UGT1A10: variants seen among roughly 807,000 people sequenced by gnomAD.
The protein encoded by UGT1A10 is UDP-glucuronosyltransferase 1A10.
UGT1A10 carries 49 observed loss-of-function variants against 45.8 expected under a neutral mutation model. That is an observed-to-expected ratio of 1.07 (90% CI 0.85 to 1.36). UGT1A10 has a LOEUF of 1.36. Ranked by LOEUF, UGT1A10 falls within the 40% of genes most tolerant of loss-of-function variation. The probability of loss-of-function intolerance (pLI) is 0.00; values close to 1 mark genes in which losing one functional copy is unlikely to be tolerated. For missense variants in UGT1A10, 745 were observed against 668.6 expected, an observed-to-expected ratio of 1.11 and a Z score of -1.26; for synonymous variants, 284 against 249.7, an observed-to-expected ratio of 1.14 and a Z score of -1.29.
chr2:233,726,185 T>C (rs2077513858), intron 1 of UGT1A10, among the ~76,000 whole-genome samples: 1 of 152,162 alleles, frequency 6.6e-6, no homozygotes, highest in South Asian at 2.1e-4. Flanking sequence ...AAAATTTCTT[T>C]GGCATATGGA....
At chr2:233,702,908 A>G (rs1242478839) in intron 1 of UGT1A10, among the ~76,000 whole-genome samples, 5 of 152,174 alleles carry the variant, frequency 3.3e-5, no homozygotes, top group Non-Finnish European at 7.4e-5. Flanking sequence ...AGATATTGGA[A>G]GTCTTATTTT....
intron 1 of UGT1A10, chr2:233,718,075 G>A (rs2076626489): frequency 1.7e-5 from 6 of 344,578 alleles, no homozygotes; most frequent in South Asian, 1.2e-4. Context: ...CCTTGCTAGG[G>A]TTGTCTTGCC....
intron 1 of UGT1A10, among the ~76,000 whole-genome samples, chr2:233,657,212 T>A (rs997232183): frequency 6.6e-6 from 1 of 152,212 alleles, no homozygotes; most frequent in Non-Finnish European, 1.5e-5. Context: ...GCTCATGGGC[T>A]TTATTTTATG....
chr2:233,724,339 G>A (rs2077227774), intron 1 of UGT1A10, among the ~76,000 whole-genome samples: 2 of 142,766 alleles, frequency 1.4e-5, no homozygotes, highest in African/African-American at 5.3e-5. Flanking sequence ...GCGGGGGGCT[G>A]ACCCCCCCCA....
At chr2:233,699,864 G>C (rs2075528124) in intron 1 of UGT1A10, among the ~76,000 whole-genome samples, 1 of 152,162 alleles carries the variant, frequency 6.6e-6, no homozygotes, top group African/African-American at 2.4e-5. Flanking sequence ...TATGTCTGAA[G>C]ACATTTTTGG....
chr2:233,715,254 A>G (rs547164013), intron 1 of UGT1A10, among the ~76,000 whole-genome samples: 219 of 152,274 alleles, frequency 1.4e-3, no homozygotes, highest in African/African-American at 5.0e-3. Context: ...CTTTTAAAAA[A>G]TCCCCTTACA....
chr2:233,744,538 A>C (rs4663967), intron 1 of UGT1A10, among the ~76,000 whole-genome samples: 82,778 of 151,254 alleles, frequency 0.55, 24,850 homozygotes, highest in African/African-American at 0.8. Context: ...TTTTATGTAA[A>C]TTTTATTAAG....
chr2:233,648,877 C>T lies in UGT1A10; in HGVS notation c.855+11500C>T, dbSNP rs1237408248. 2.3e-5 allele frequency: 29 copies of T among 1,274,844 alleles called. No homozygotes were observed. In the South Asian group the frequency reaches 3.2e-4, roughly 14 times the overall value. 79.0% of individuals were successfully genotyped at this position (1,274,844 alleles called of 1,614,324 possible). A position where few individuals can be genotyped will look rare whatever the true frequency, so the allele number is the denominator to read the frequency against. On this transcript the variant is annotated intron_variant, in intron 1 of 4. Transcript: ENST00000344644. The stretch of plus-strand genomic sequence containing the variant: ...CTTAAACATAGCCTCTGAAATTCTC[C>T]AAACACCTGTCATGGCATATGATCT...
chr2:233,772,238 T>C (rs765306920), intron 4 of UGT1A10, 24 bp from the exon 5 acceptor site: 1 of 1,613,980 alleles, frequency 6.2e-7, no homozygotes, highest in African/African-American at 1.3e-5. Context: ...GTTCCAGGCA[T>C]AACGAAACTG....
At chr2:233,713,253 G>T in intron 1 of UGT1A10, 1 of 1,614,226 alleles carries the variant, frequency 6.2e-7, no homozygotes, top group Non-Finnish European at 8.5e-7. Flanking sequence ...GACCCAGGAC[G>T]AATTTGATCG....
intron 1 of UGT1A10, among the ~76,000 whole-genome samples, chr2:233,670,192 G>C (rs932063523): frequency 2.0e-4 from 30 of 152,182 alleles, no homozygotes; most frequent in African/African-American, 7.2e-4. Context: ...TCATTAAGTG[G>C]AAGTGGATCA....
chr2:233,765,846 C>T (rs562820887), intron 1 of UGT1A10, among the ~76,000 whole-genome samples: 4 of 152,146 alleles, frequency 2.6e-5, no homozygotes, highest in African/African-American at 7.2e-5. Flanking sequence ...CCTTGTCCCC[C>T]TCACAGAGCA....
At chr2:233,708,481 G>A (rs1350842502) in intron 1 of UGT1A10, 2 of 152,206 alleles carry the variant, frequency 1.3e-5, no homozygotes, top group Non-Finnish European at 2.9e-5. Flanking sequence ...GCTGAGCGTG[G>A]TGGCTCATGC....
chr2:233,706,865 A>T (rs2075928128), intron 1 of UGT1A10, among the ~76,000 whole-genome samples: 1 of 152,188 alleles, frequency 6.6e-6, no homozygotes, highest in South Asian at 2.1e-4. Flanking sequence ...AGATTCCTAG[A>T]CCTGGCACTT....
At chr2:233,672,521 G>A in intron 1 of UGT1A10, 2 of 1,613,872 alleles carry the variant, frequency 1.2e-6, no homozygotes, top group Non-Finnish European at 1.7e-6. Context: ...ATTCTCTTAG[G>A]GTTCTCAGAT....
intron 1 of UGT1A10, among the ~76,000 whole-genome samples, chr2:233,731,847 G>C (rs1360054279): frequency 1.3e-4 from 20 of 152,190 alleles, no homozygotes; most frequent in Non-Finnish European, 7.3e-5. Flanking sequence ...CTAGGTCCTT[G>C]AGGAATCGCC....
At chr2:233,643,890 C>A (rs2073528872) in intron 1 of UGT1A10, among the ~76,000 whole-genome samples, 1 of 152,078 alleles carries the variant, frequency 6.6e-6, no homozygotes, top group African/African-American at 2.4e-5. Context: ...TGACCAGTGC[C>A]CTATCCTGCT....
chr2:233,742,169 GAA>G (rs2125841424), intron 1 of UGT1A10, among the ~76,000 whole-genome samples: 1 of 152,048 alleles, frequency 6.6e-6, no homozygotes, highest in East Asian at 1.9e-4. Context: ...CACACACACA[GAA>G]ATATAGAGTG....
intron 1 of UGT1A10, chr2:233,747,813 A>T (rs1693784433): frequency 6.2e-7 from 1 of 1,613,434 alleles, no homozygotes; most frequent in African/African-American, 1.3e-5. Context: ...ACTAACGACC[A>T]ATTCAGACCA....
Sources: allele counts gnomAD v4.1 joint callset (sites outside exome capture counted in the v4.1 genomes callset), GRCh38; gene constraint gnomAD v4.1.1; transcripts MANE v1.5; gene names NCBI Gene and HGNC (gene_info 2026-07-23, HGNC 2026-07-21).